The following MCTP2 variants were observed in gnomAD, a reference collection of about 807,000 sequenced individuals.
The protein encoded by MCTP2 is multiple C2 and transmembrane domain-containing protein 2.
MCTP2 carries 132 observed loss-of-function variants against 111.6 expected under a neutral mutation model. That is an observed-to-expected ratio of 1.18 (90% CI 1.03 to 1.37). MCTP2 has a LOEUF of 1.37. MCTP2 is among the 40% of genes most tolerant of loss of function. MCTP2 has a pLI of 0.00. For missense variants in MCTP2, 1,183 were observed against 1,067.9 expected (o/e 1.11, Z -1.50); for synonymous variants, 395 against 387.7 (o/e 1.02, Z -0.22).
chr15:94,308,508 T>C (rs1295006099), intron 2 of MCTP2, among the ~76,000 whole-genome samples: 2 of 152,198 alleles, frequency 1.3e-5, no homozygotes, highest in African/African-American at 2.4e-5. Flanking sequence ...TCTTTGCCAA[T>C]TGGGGAGACT....
intron 2 of MCTP2, among the ~76,000 whole-genome samples, chr15:94,311,014 T>C (rs998080883): frequency 2.9e-5 from 4 of 137,260 alleles, no homozygotes; most frequent in African/African-American, 1.3e-4. Flanking sequence ...TTGGGAACTT[T>C]CCTTTTTTTT....
In MCTP2 at chr15:94,243,390, C is replaced by T. The variant is rs1005041241; in HGVS notation, c.-66+11726C>T. 2.8e-5 allele frequency among the ~76,000 whole-genome samples: 4 copies of T among 144,806 alleles called. 1 individual carries two copies. The highest frequency in any genetic ancestry group is 2.1e-4 in the South Asian group (1 of 4,674). The allele number at this position is 144,806 out of a possible 152,430, so 95.0% of individuals were successfully genotyped here. ...ATGCGTATGTACATACATACGTATG[C>T]GTATATGCGTATGTACATACATACG... On this transcript the variant is annotated intron_variant, in intron 1 of 22. Coordinates refer to ENST00000357742, the MANE Select transcript of MCTP2 (RefSeq NM_001385001.1).
Position 94,298,632 on chromosome 15 carries a change from G to T in MCTP2, c.367G>T (p.Ala123Ser), listed in dbSNP as rs200962853. 2.5e-6 allele frequency: 4 copies of T among 1,614,122 alleles called. No homozygotes were observed. In the South Asian group the frequency reaches 3.3e-5, roughly 13 times the overall value. ...TGTGGTGGAAACAGACTCAGAGGAG[G>T]CCTATGCCTCTCCTGCTGAGCGGAG... ...LHVVETDSEE[A>S]YASPAERRRV... Residue 123 changes from alanine to serine, a missense_variant, in exon 2 of 23, where the codon GCC (alanine) becomes TCC (serine). By Grantham distance (99) the Ala-to-Ser change is moderately conservative. Coordinates refer to ENST00000357742, the MANE Select transcript of MCTP2 (RefSeq NM_001385001.1).
At chr15:94,434,221 C>G (rs1001755200) in intron 17 of MCTP2, among the ~76,000 whole-genome samples, 5 of 151,840 alleles carry the variant, frequency 3.3e-5, no homozygotes, top group Admixed American at 6.6e-5. Context: ...TTTGCCTCAG[C>G]CTCCCAAGTA....
chr15:94,244,497 T>TAC (rs2071571647), intron 1 of MCTP2, among the ~76,000 whole-genome samples: 1 of 147,480 alleles, frequency 6.8e-6, no homozygotes, highest in African/African-American at 2.5e-5. Context: ...CGTATATGTA[T>TAC]ACACATACAT....
chr15:94,406,409 T>C (rs2081898126), intron 17 of MCTP2, among the ~76,000 whole-genome samples: 1 of 152,228 alleles, frequency 6.6e-6, no homozygotes, highest in Non-Finnish European at 1.5e-5. Flanking sequence ...GGATGCAATG[T>C]TTGTTGTCCT....
intron 18 of MCTP2, 110 bp from the exon 19 acceptor site, chr15:94,442,809 A>G: frequency 1.1e-6 from 1 of 900,860 alleles, no homozygotes. Flanking sequence ...ATGCATTTCA[A>G]AAATATAAAT....
chr15:94,260,159 C>T (rs1004659629), intron 1 of MCTP2, among the ~76,000 whole-genome samples: 1 of 152,198 alleles, frequency 6.6e-6, no homozygotes, highest in Non-Finnish European at 1.5e-5. Flanking sequence ...GAGTGCCTTT[C>T]CTGGGGATTC....
intron 20 of MCTP2, among the ~76,000 whole-genome samples, chr15:94,462,189 C>G (rs1254917510): frequency 6.6e-6 from 1 of 152,158 alleles, no homozygotes; most frequent in Non-Finnish European, 1.5e-5. Context: ...AGAGAATATA[C>G]CTGCACCCAC....
In MCTP2 at chr15:94,370,274, T is replaced by G. The variant is rs2152437912; in HGVS notation, c.1582+94T>G. The G allele has an allele frequency of 3.0e-6, 3 of 986,488 alleles. No homozygotes were observed. The South Asian group carries it at 4.8e-5, about 16-fold the overall frequency. 61.1% of individuals were successfully genotyped at this position (986,488 alleles called of 1,614,324 possible). On this transcript the variant is annotated intron_variant, in intron 12 of 22. Transcript: ENST00000357742. ...GCAAAATGCTTAATAAGCAGAAGTA[T>G]GACTATAACAGTCATGCTCCTTCAA...
chr15:94,294,474 A>G (rs544486307), intron 1 of MCTP2, among the ~76,000 whole-genome samples: 39 of 152,310 alleles, frequency 2.6e-4, no homozygotes, highest in African/African-American at 9.4e-4. Flanking sequence ...TCTCTTGAAT[A>G]TATTATAATG....
At position 94,243,942 on chromosome 15, in the gene MCTP2, CAT is replaced by C. The variant is rs1219472480; in HGVS notation, c.-66+12283_-66+12284del. Among the ~76,000 whole-genome samples the C allele has an allele frequency of 3.8e-3, 542 of 144,244 alleles. 4 individuals are homozygous for C. Among genetic ancestry groups the C allele is most frequent in the African/African-American group, 0.013 (497 of 38,796 alleles). 94.6% of individuals were successfully genotyped at this position (144,244 alleles called of 152,430 possible). On this transcript the variant is annotated intron_variant, in intron 1 of 22. Transcript: ENST00000357742. Reference sequence around the variant, plus strand: ...ATATTTACACATATGTGTACACATACATATATGTGTATATATTTACACACACA... The same window carrying C: ...ATATTTACACATATGTGTACACATACATATGTGTATATATTTACACACACA...
rs754462605 is a variant in MCTP2 at position 94,243,403 on chromosome 15, GTACA to G, written c.-66+11747_-66+11750del. On this transcript the variant is annotated intron_variant, in intron 1 of 22. Coordinates refer to ENST00000357742, the MANE Select transcript of MCTP2 (RefSeq NM_001385001.1). ...TACATACGTATGCGTATATGCGTAT[GTACA>G]TACATACGTATGCGTATATGCGTAT... 1.8e-4 allele frequency among the ~76,000 whole-genome samples: 25 copies of G among 142,402 alleles called. 2 individuals are homozygous for G. Among genetic ancestry groups the G allele is most frequent in the East Asian group, 6.2e-4 (3 of 4,830 alleles). The allele number at this position is 142,402 out of a possible 152,430, so 93.4% of individuals were successfully genotyped here. A position where few individuals can be genotyped will look rare whatever the true frequency, so the allele number is the denominator to read the frequency against.
intron 4 of MCTP2, among the ~76,000 whole-genome samples, chr15:94,336,291 C>T (rs891511578): frequency 2.6e-5 from 4 of 152,182 alleles, no homozygotes; most frequent in Non-Finnish European, 4.4e-5. Flanking sequence ...TTTATTGCAG[C>T]CTCCACTGGC....
intron 17 of MCTP2, among the ~76,000 whole-genome samples, chr15:94,435,694 C>G (rs28497760): frequency 0.046 from 5,629 of 122,278 alleles, 283 homozygotes; most frequent in East Asian, 0.14. Context: ...TGCAGTGGCG[C>G]GATCTCGGCT....
At chr15:94,387,136 C>G (rs2080543471) in intron 14 of MCTP2, among the ~76,000 whole-genome samples, 1 of 151,794 alleles carries the variant, frequency 6.6e-6, no homozygotes, top group African/African-American at 2.4e-5. Flanking sequence ...CCTCCTTCCT[C>G]CTTCCCCCCT....
intron 17 of MCTP2, among the ~76,000 whole-genome samples, chr15:94,417,448 G>A (rs2082425090): frequency 6.6e-6 from 1 of 152,076 alleles, no homozygotes; most frequent in South Asian, 2.1e-4. Context: ...ATTTGTAGTT[G>A]CTGGGTTTTG....
chr15:94,346,183 C>G (rs369625000), intron 8 of MCTP2, among the ~76,000 whole-genome samples: 1 of 152,176 alleles, frequency 6.6e-6, no homozygotes, highest in East Asian at 1.9e-4. Context: ...TTACTAGTCA[C>G]TTAAGAAGAA....
chr15:94,308,041 C>G (rs991111951), intron 2 of MCTP2, among the ~76,000 whole-genome samples: 1 of 152,178 alleles, frequency 6.6e-6, no homozygotes, highest in Non-Finnish European at 1.5e-5. Context: ...AGGAACTCTG[C>G]TAATTTCTAC....
Sources: gnomAD v4.1 joint callset for allele counts (sites outside exome capture counted in the v4.1 genomes callset) on GRCh38, gnomAD v4.1.1 for gene constraint, MANE v1.5 for transcripts, NCBI Gene and HGNC (gene_info 2026-07-23, HGNC 2026-07-21) for gene names.